The following RBM33 variants were observed in gnomAD, a reference collection of about 807,000 sequenced individuals.
RBM33 encodes RNA-binding protein 33.
A neutral mutation model predicts 132.6 loss-of-function variants in RBM33; 28 were observed. The ratio of observed to expected loss-of-function variants is 0.21; its 90% CI spans 0.16 to 0.29. The LOEUF is 0.29. RBM33 is among the 10% of genes least tolerant of loss of function. The pLI is 1.00. For missense variants in RBM33, 1,291 were observed against 1,518.5 expected (o/e 0.85, Z 2.49); for synonymous variants, 634 against 593.0 (o/e 1.07, Z -1.01).
intron 1 of RBM33, among the ~76,000 whole-genome samples, chr7:155,662,851 G>A (rs1258717708): frequency 6.6e-6 from 1 of 152,176 alleles, no homozygotes; most frequent in African/African-American, 2.4e-5. Context: ...TTGTCCTCCA[G>A]CTGGGAGCTG....
chr7:155,687,921 A>C (rs1799525924), intron 5 of RBM33, among the ~76,000 whole-genome samples: 1 of 151,926 alleles, frequency 6.6e-6, no homozygotes, highest in Non-Finnish European at 1.5e-5. Context: ...ATGCCTCCAG[A>C]TTTGTTCTTT....
chr7:155,695,673 C>T (rs1397396890), intron 5 of RBM33, among the ~76,000 whole-genome samples: 1 of 152,158 alleles, frequency 6.6e-6, no homozygotes, highest in Non-Finnish European at 1.5e-5. Flanking sequence ...GTTGGCCAAG[C>T]TGGTCTTGAA....
chr7:155,712,205 T>C (rs998080836), intron 8 of RBM33, among the ~76,000 whole-genome samples: 3 of 152,212 alleles, frequency 2.0e-5, no homozygotes, highest in South Asian at 4.1e-4. Flanking sequence ...TCAATTCCAG[T>C]GTCAGCTGGT....
At chr7:155,759,312 C>T (rs534476900) in intron 14 of RBM33, among the ~76,000 whole-genome samples, 46 of 151,906 alleles carry the variant, frequency 3.0e-4, no homozygotes, top group Admixed American at 2.0e-3. Context: ...TCTTATCTGA[C>T]GTTAATGTCA....
chr7:155,741,674 GTA>G (rs1291537216), intron 12 of RBM33, 143 bp from the exon 13 acceptor site: 4 of 746,946 alleles, frequency 5.4e-6, no homozygotes, highest in Non-Finnish European at 8.7e-6. Context: ...GAGAAAAAAA[GTA>G]TGAGAAAAAA....
At chr7:155,727,854 TTCCCGGGCTCAGGTGA>T (rs1800837230) in intron 9 of RBM33, among the ~76,000 whole-genome samples, 1 of 152,210 alleles carries the variant, frequency 6.6e-6, no homozygotes, top group Non-Finnish European at 1.5e-5. Context: ...CAGGCCCGGC[TTCCCGGGCTCAGGTGA>T]TCCTCTCACC....
intron 2 of RBM33, among the ~76,000 whole-genome samples, chr7:155,667,057 C>T (rs966108909): frequency 2.6e-5 from 4 of 152,132 alleles, no homozygotes; most frequent in African/African-American, 4.8e-5. Flanking sequence ...TAATTGTTTA[C>T]GTACATGGAT....
chr7:155,771,371 G>C (rs1488634026), intron 16 of RBM33, among the ~76,000 whole-genome samples: 5 of 152,122 alleles, frequency 3.3e-5, no homozygotes, highest in African/African-American at 1.2e-4. Context: ...TTTGTATCTA[G>C]AAAACAGGGT....
At chr7:155,741,109 G>T (rs1801317419) in intron 12 of RBM33, among the ~76,000 whole-genome samples, 1 of 152,190 alleles carries the variant, frequency 6.6e-6, no homozygotes, top group South Asian at 2.1e-4. Flanking sequence ...AATCTGAGAA[G>T]AGGGTGCTTT....
At chr7:155,743,149 A>T (rs1262047122) in intron 13 of RBM33, among the ~76,000 whole-genome samples, 3 of 152,274 alleles carry the variant, frequency 2.0e-5, no homozygotes, top group Admixed American at 6.5e-5. Flanking sequence ...ATATTAACAT[A>T]CAATGAACTC....
intron 3 of RBM33, among the ~76,000 whole-genome samples, chr7:155,673,753 TACGCGCGC>T (rs1799057623): frequency 6.1e-5 from 3 of 48,840 alleles, no homozygotes; most frequent in African/African-American, 2.3e-4. Context: ...CACGTGTATA[TACGCGCGC>T]ATGCGCGCAC....
chr7:155,737,430 A>T, intron 9 of RBM33, 100 bp from the exon 10 acceptor site: 1 of 1,289,404 alleles, frequency 7.8e-7, no homozygotes, highest in South Asian at 1.7e-5. Context: ...GTTACTTGAC[A>T]TTTTTGAGGA....
intron 13 of RBM33, among the ~76,000 whole-genome samples, chr7:155,743,192 A>C (rs926946094): frequency 2.0e-5 from 3 of 152,258 alleles, no homozygotes; most frequent in African/African-American, 7.2e-5. Flanking sequence ...TGGTTTTAAA[A>C]TCAATATGTG....
At chr7:155,691,612 A>G (rs1224604634) in intron 5 of RBM33, among the ~76,000 whole-genome samples, 1 of 152,182 alleles carries the variant, frequency 6.6e-6, no homozygotes, top group Admixed American at 6.5e-5. Context: ...TGGTTACGTA[A>G]ACTTTTATTG....
chr7:155,705,783 C>T (rs1258139417), intron 6 of RBM33, among the ~76,000 whole-genome samples: 2 of 152,158 alleles, frequency 1.3e-5, no homozygotes, highest in African/African-American at 4.8e-5. Context: ...TTTCTTAGGG[C>T]CAGTGCCCAT....
chr7:155,775,560 T>C lies in RBM33; in HGVS notation c.*519T>C. 1 of 172,704 alleles carries C rather than the reference T, an allele frequency of 5.8e-6. No homozygotes were observed. The highest frequency in any genetic ancestry group is 1.3e-5 in the Non-Finnish European group (1 of 79,160). The allele number at this position is 172,704 out of a possible 1,614,324, so 10.7% of individuals were successfully genotyped here. A position where few individuals can be genotyped will look rare whatever the true frequency, so the allele number is the denominator to read the frequency against. ...ATGTAGATTAAAATTTGGGTGATTG[T>C]TGATTGACCTTTGCATACCCTGGAA... On this transcript the variant is annotated 3_prime_UTR_variant, in exon 18 of 18. Transcript: ENST00000401878.
intron 13 of RBM33, among the ~76,000 whole-genome samples, chr7:155,742,724 A>G (rs958157958): frequency 1.3e-5 from 2 of 152,196 alleles, no homozygotes; most frequent in African/African-American, 4.8e-5. Flanking sequence ...TGTTGTTCCT[A>G]ATTTTTCAGT....
At chr7:155,743,797 A>G (rs936438077) in intron 13 of RBM33, among the ~76,000 whole-genome samples, 15 of 152,150 alleles carry the variant, frequency 9.9e-5, no homozygotes, top group Admixed American at 6.5e-4. Flanking sequence ...ACTAGTAATT[A>G]TTCCTGTGTT....
chr7:155,657,003 G>C (rs767517423), intron 1 of RBM33, among the ~76,000 whole-genome samples: 6 of 151,140 alleles, frequency 4.0e-5, no homozygotes, highest in Non-Finnish European at 8.8e-5. Context: ...GTCTAGAACA[G>C]TGCCTGGCAT....
Sources: allele counts gnomAD v4.1 joint callset (sites outside exome capture counted in the v4.1 genomes callset), GRCh38; gene constraint gnomAD v4.1.1; transcripts MANE v1.5; gene names NCBI Gene and HGNC (gene_info 2026-07-23, HGNC 2026-07-21).